DKK3: variants seen among roughly 807,000 people sequenced by gnomAD.
DKK3 encodes the protein dickkopf-related protein 3.
Under a neutral mutation model 33.2 loss-of-function variants are expected in DKK3, and 22 were observed. The observed-to-expected ratio is 0.66, with a 90% CI of 0.47 to 0.95. The LOEUF is 0.95. Ranked by LOEUF, DKK3 falls within the 40% of genes least tolerant of loss-of-function variation. The pLI is 0.00. For synonymous variants in DKK3, 194 were observed against 188.8 expected (o/e 1.03, Z -0.23); for missense variants, 398 against 458.4 (o/e 0.87, Z 1.20).
intron 3 of DKK3, among the ~76,000 whole-genome samples, chr11:11,981,698 G>A (rs372902604): frequency 2.6e-5 from 4 of 152,030 alleles, no homozygotes; most frequent in Non-Finnish European, 5.9e-5. Context: ...ACACACAGCC[G>A]TCTAGAGAAA....
chr11:11,994,762 T>A (rs1848256726), intron 3 of DKK3: 1 of 152,140 alleles, frequency 6.6e-6, no homozygotes, highest in Non-Finnish European at 1.5e-5. Flanking sequence ...AAAGCGCTTG[T>A]TCGATACACT....
chr11:11,997,997 G>A (rs371928772), intron 3 of DKK3, among the ~76,000 whole-genome samples: 52 of 152,270 alleles, frequency 3.4e-4, no homozygotes, highest in Admixed American at 2.9e-3. Context: ...CTCAGCAGGC[G>A]TGTGCATCCG....
Position 11,968,362 on chromosome 11 carries a change from G to A in DKK3, c.528+33C>T, listed in dbSNP as rs769961587. The A allele has an allele frequency of 8.2e-6, 13 of 1,587,640 alleles. No homozygotes were observed. In the South Asian group the frequency reaches 1.5e-4, roughly 18 times the overall value. The stretch of plus-strand genomic sequence containing the variant: ...TCTCCCCCAGGTGCCTGAGACCCTG[G>A]TGCCACAGCCCCAGAGGCCCTGGCA... On this transcript the variant is annotated intron_variant, in intron 4 of 6. Transcript: ENST00000683431.
Position 12,002,330 on chromosome 11 carries a change from A to G in DKK3, c.321T>C (p.Asn107=), listed in dbSNP as rs945181590. 7 of 1,614,050 alleles carry G rather than the reference A, an allele frequency of 4.3e-6. No homozygotes were observed. The highest frequency in any genetic ancestry group is 5.9e-6 in the Non-Finnish European group (7 of 1,179,988). ...GAATTTCTCGGTGCACATGGATGGT[A>G]TTATTTCCAACCTTCGTGTCTGTGT... The part of the protein sequence containing the change: ...ETNTDTKVGN[N]TIHVHREIHK... Residue 107 remains asparagine (N), a synonymous_variant, in exon 2 of 7, where the codon AAT becomes AAC. Coordinates refer to ENST00000683431, the MANE Select transcript of DKK3 (RefSeq NM_001018057.2).
chr11:11,999,474 C>A (rs1244116294), intron 2 of DKK3, among the ~76,000 whole-genome samples: 7 of 152,164 alleles, frequency 4.6e-5, no homozygotes, highest in Admixed American at 4.6e-4. Context: ...ACTAAAAATA[C>A]AAAATTTAGC....
intron 3 of DKK3, among the ~76,000 whole-genome samples, chr11:11,982,893 C>G (rs988482373): frequency 6.6e-6 from 1 of 152,174 alleles, no homozygotes; most frequent in African/African-American, 2.4e-5. Context: ...TTTACCTGCA[C>G]CCAGATAAGC....
intron 1 of DKK3, among the ~76,000 whole-genome samples, chr11:12,004,716 A>C (rs1848501881): frequency 6.6e-6 from 1 of 152,264 alleles, no homozygotes; most frequent in Non-Finnish European, 1.5e-5. Context: ...ATTAAGGACC[A>C]TGCAGTAGAT....
At position 11,983,631 on chromosome 11, in the gene DKK3, G is replaced by A. The variant is rs150922736; in HGVS notation, c.435+15065C>T. ...ACGCAGCAGTTCAGGCTGCCAAGCT[G>A]CAGCCACAGGACAGAGGCCTTCTCC... On this transcript the variant is annotated intron_variant, in intron 3 of 6. Coordinates refer to ENST00000683431, the MANE Select transcript of DKK3 (RefSeq NM_001018057.2). Among the ~76,000 whole-genome samples, 130 of 152,354 alleles carry A rather than the reference G, an allele frequency of 8.5e-4. 1 individual carries two copies. The highest frequency in any genetic ancestry group is 3.4e-3 in the Middle Eastern group (1 of 294).
chr11:11,992,958 G>A (rs987198218), intron 3 of DKK3, among the ~76,000 whole-genome samples: 1 of 151,980 alleles, frequency 6.6e-6, no homozygotes, highest in Non-Finnish European at 1.5e-5. Flanking sequence ...ATATGATCAC[G>A]CACTGTTAAC....
chr11:11,972,227 T>C (rs764929916), intron 3 of DKK3, among the ~76,000 whole-genome samples: 8 of 152,178 alleles, frequency 5.3e-5, no homozygotes, highest in African/African-American at 9.7e-5. Context: ...ACGGTGGCCA[T>C]AGCAACAGAT....
chr11:11,990,672 C>G (rs1379084525), intron 3 of DKK3, among the ~76,000 whole-genome samples: 1 of 152,342 alleles, frequency 6.6e-6, no homozygotes, highest in East Asian at 1.9e-4. Flanking sequence ...TGCCTCTCCC[C>G]CAGCTTTACT....
intron 2 of DKK3, 68 bp downstream of exon 2, chr11:12,002,232 C>CA (rs1194418070): frequency 2.0e-6 from 3 of 1,488,676 alleles, no homozygotes; most frequent in Non-Finnish European, 2.7e-6. Context: ...AAAACAAAAA[C>CA]AAAAAAACCT....
At chr11:12,009,319 C>G (rs954450705), upstream of DKK3, 43 of 982,356 alleles carry the variant, frequency 4.4e-5, no homozygotes, top group South Asian at 1.3e-3. Context: ...CGCCGGTACC[C>G]GAGGGAGCCC....
chr11:12,001,585 G>A (rs530823299), intron 2 of DKK3: 1 of 152,334 alleles, frequency 6.6e-6, no homozygotes, highest in Non-Finnish European at 1.5e-5. Context: ...CACAGTCTTA[G>A]GCAGTTTGCT....
At chr11:12,001,080 T>G (rs1367058599) in intron 2 of DKK3, among the ~76,000 whole-genome samples, 1 of 152,226 alleles carries the variant, frequency 6.6e-6, no homozygotes, top group Admixed American at 6.5e-5. Flanking sequence ...CTGGTAGGAC[T>G]CACACTCAGG....
At chr11:11,975,579 G>A (rs1392599500) in intron 3 of DKK3, among the ~76,000 whole-genome samples, 1 of 152,156 alleles carries the variant, frequency 6.6e-6, no homozygotes, top group Non-Finnish European at 1.5e-5. Flanking sequence ...CCCACGGGTG[G>A]GGAGGCAGCT....
At chr11:12,002,170 T>A (rs964639940) in intron 2 of DKK3, 130 bp downstream of exon 2, 4 of 1,042,970 alleles carry the variant, frequency 3.8e-6, no homozygotes, top group Non-Finnish European at 5.3e-6. Flanking sequence ...TGGTTTTCAA[T>A]CCGTATTTTA....
At chr11:11,999,194 G>A (rs912834761) in intron 2 of DKK3, among the ~76,000 whole-genome samples, 2 of 152,170 alleles carry the variant, frequency 1.3e-5, no homozygotes, top group African/African-American at 2.4e-5. Context: ...AAAGCAAGCA[G>A]GTTTTAGCTC....
At chr11:12,009,450 C>T (rs1225912032), upstream of DKK3, 6 of 905,326 alleles carry the variant, frequency 6.6e-6, no homozygotes, top group Non-Finnish European at 6.5e-6. Context: ...CCAGCCGGGG[C>T]GCCGGCCACC....
Sources: allele counts gnomAD v4.1 joint callset (sites outside exome capture counted in the v4.1 genomes callset), GRCh38; gene constraint gnomAD v4.1.1; transcripts MANE v1.5; gene names NCBI Gene and HGNC (gene_info 2026-07-23, HGNC 2026-07-21).